Variants in CCT6A observed in about 807,000 individuals in gnomAD.
CCT6A encodes T-complex protein 1 subunit zeta.
Under a neutral mutation model 58.6 loss-of-function variants are expected in CCT6A, and 6 were observed. The observed-to-expected ratio is 0.10, with a 90% CI of 0.06 to 0.20. CCT6A has a LOEUF of 0.20. Among genes scored for constraint, CCT6A ranks in the 10% least tolerant of loss-of-function variants. CCT6A has a pLI of 1.00. For missense variants in CCT6A, 516 were observed against 648.8 expected (o/e 0.80, Z 2.22); for synonymous variants, 245 against 227.8 (o/e 1.08, Z -0.68).
rs776930910 is a variant in CCT6A, at chr7:56,052,788, C to CT, written c.201+307dup. Among the ~76,000 whole-genome samples the CT allele has an allele frequency of 8.2e-3, 222 of 27,036 alleles. 5 individuals are homozygous for CT. The highest frequency in any genetic ancestry group is 0.058 in the East Asian group (47 of 804). 17.7% of individuals were successfully genotyped at this position (27,036 alleles called of 152,430 possible). ...AATGCATGAGGATGATTTTTCTTTTCTTTTCTTTTTTTTTTTTTTTAATTA... is the reference window on the plus strand; with the variant it reads ...AATGCATGAGGATGATTTTTCTTTTCTTTTTCTTTTTTTTTTTTTTTAATTA... On this transcript the variant is annotated intron_variant, in intron 2 of 13. Coordinates refer to ENST00000275603, the MANE Select transcript of CCT6A (RefSeq NM_001762.4).
At chr7:56,055,446 C>G in intron 3 of CCT6A, 178 bp from the exon 4 acceptor site, 1 of 688,116 alleles carries the variant, frequency 1.5e-6, no homozygotes. Context: ...TGTTCATCTG[C>G]TCTGCATTGA....
intron 5 of CCT6A, among the ~76,000 whole-genome samples, chr7:56,056,787 A>G (rs1794317528): frequency 6.7e-6 from 1 of 148,244 alleles, no homozygotes; most frequent in Non-Finnish European, 1.5e-5. Context: ...TTTGTACAAT[A>G]TAGATAGTTG....
intron 10 of CCT6A, 142 bp from the exon 11 acceptor site, chr7:56,060,665 C>A: frequency 1.7e-6 from 2 of 1,153,730 alleles, no homozygotes; most frequent in Non-Finnish European, 2.6e-6. Context: ...CTGGTTGAAC[C>A]ATTCTCCTAT....
At chr7:56,058,332 G>T (rs1162053969) in intron 6 of CCT6A, 30 bp from the exon 7 acceptor site, 1 of 1,511,570 alleles carries the variant, frequency 6.6e-7, no homozygotes, top group East Asian at 2.3e-5. Flanking sequence ...ATGTTTCCCT[G>T]CTTTCTGTAA....
At chr7:56,054,845 T>C (rs1794270496) in intron 3 of CCT6A, among the ~76,000 whole-genome samples, 1 of 152,236 alleles carries the variant, frequency 6.6e-6, no homozygotes, top group African/African-American at 2.4e-5. Context: ...AATTCCACTT[T>C]TTTAGCCCTG....
In CCT6A at chr7:56,059,693, TTTTG is replaced by T. The variant is rs889918441; in HGVS notation, c.1065+66_1065+69del. 9.1e-5 allele frequency: 85 copies of T among 929,186 alleles called. No individual in the cohort carries two copies. The Middle Eastern group carries it at 1.1e-3, about 12-fold the overall frequency. 57.6% of individuals were successfully genotyped at this position (929,186 alleles called of 1,614,324 possible). The stretch of plus-strand genomic sequence containing the variant: ...TAGAACCTTTTAGCTCGTGAATTAT[TTTTG>T]TTTGTTTGTTTGAGGTGGGGTCTCA... On this transcript the variant is annotated intron_variant, in intron 9 of 13. Transcript: ENST00000275603.
At chr7:56,054,058 A>G (rs1457614119) in intron 2 of CCT6A, among the ~76,000 whole-genome samples, 1 of 152,220 alleles carries the variant, frequency 6.6e-6, no homozygotes, top group African/African-American at 2.4e-5. Context: ...TACACTTGCC[A>G]TAAAGAGGCA....
chr7:56,059,568 A>G lies in CCT6A; in HGVS notation c.993A>G (p.Val331=). ...MERLTLACGG[V]ALNSFDDLSP... is the part of the protein sequence containing the mutation. ...GGCTGACTCTTGCTTGTGGTGGGGT[A>G]GCCCTGAATTCTTTTGACGACCTAA... The change falls in exon 9 of 14, where the codon GTA becomes GTG. Residue 331 remains valine (V), a synonymous_variant. Coordinates refer to ENST00000275603, the MANE Select transcript of CCT6A (RefSeq NM_001762.4). 6.2e-7 allele frequency: 1 copy of G among 1,605,914 alleles called. No homozygotes were observed. Among genetic ancestry groups the G allele is most frequent in the Non-Finnish European group, 8.5e-7 (1 of 1,172,590 alleles).
rs548037554 is a variant in CCT6A, at chr7:56,056,738, AAAAC to A, written c.614+328_614+331del. Among the ~76,000 whole-genome samples, 502 of 151,694 alleles carry A rather than the reference AAAAC, an allele frequency of 3.3e-3. 3 individuals carry two copies. The highest frequency in any genetic ancestry group is 5.9e-3 in the Non-Finnish European group (399 of 67,900). ...ACCCCGTCCCATTAAAAAAAAAACAAAAACAAAAAATAAACTGTGTTTAGAAATT... is the reference window on the plus strand; with the variant it reads ...ACCCCGTCCCATTAAAAAAAAAACAAAAAAAATAAACTGTGTTTAGAAATT... On this transcript the variant is annotated intron_variant, in intron 5 of 13. Transcript: ENST00000275603.
chr7:56,052,136 GC>G, intron 1 of CCT6A, 151 bp downstream of exon 1: 1 of 721,624 alleles, frequency 1.4e-6, no homozygotes, highest in Non-Finnish European at 2.1e-6. Flanking sequence ...TCCCTCCTAA[GC>G]CCCACCGTCC....
intron 13 of CCT6A, 70 bp downstream of exon 13, chr7:56,062,825 GT>G: frequency 7.4e-7 from 1 of 1,355,072 alleles, no homozygotes; most frequent in Non-Finnish European, 1.1e-6. Context: ...TCTCTGTTTA[GT>G]TGCTCCTTTC....
intron 11 of CCT6A, 39 bp downstream of exon 11, chr7:56,060,979 A>C (rs1794420087): frequency 1.3e-6 from 2 of 1,564,712 alleles, no homozygotes; most frequent in Non-Finnish European, 1.7e-6. Context: ...CAAAAGATTC[A>C]GCTGATCAAA....
At chr7:56,054,128 A>G (rs117600382) in intron 2 of CCT6A, among the ~76,000 whole-genome samples, 16 of 152,288 alleles carry the variant, frequency 1.1e-4, no homozygotes, top group Non-Finnish European at 2.1e-4. Context: ...GTAAACTTCT[A>G]CTGAGCCTCA....
intron 11 of CCT6A, 79 bp from the exon 12 acceptor site, chr7:56,061,668 C>CTTTTTTTTTTTTTTTTTTTTTTTT (rs71015174): frequency 6.4e-6 from 2 of 312,680 alleles, no homozygotes; most frequent in Admixed American, 6.8e-5. Context: ...TTTCTTTTTT[C>CTTTTTTTTTTTTTTTTTTTTTTTT]TTTTTTTTTT....
At chr7:56,059,340 A>G (rs1794382413) in intron 8 of CCT6A, among the ~76,000 whole-genome samples, 1 of 152,298 alleles carries the variant, frequency 6.6e-6, no homozygotes, top group Admixed American at 6.5e-5. Flanking sequence ...TTCATTTGCT[A>G]ACTTGGGGAG....
intron 9 of CCT6A, chr7:56,059,974 T>C (rs1373452221): frequency 4.5e-6 from 2 of 446,820 alleles, no homozygotes; most frequent in African/African-American, 2.0e-5. Flanking sequence ...AGTGCTGAGA[T>C]TACAGGCATG....
rs767056742 is a variant in CCT6A at position 56,054,366 on chromosome 7, C to T, written c.202-3C>T. On this transcript the variant is annotated splice_polypyrimidine_tract_variant and splice_region_variant and intron_variant, in intron 2 of 13. Coordinates refer to ENST00000275603, the MANE Select transcript of CCT6A (RefSeq NM_001762.4). ...AAGTGATTCATTCTTTTTCTACTTA[C>T]AGCAAATTCAACACCCAACAGCTTC... The T allele has an allele frequency of 3.1e-6, 5 of 1,598,002 alleles. No homozygotes were observed. Among genetic ancestry groups the T allele is most frequent in the African/African-American group, 1.3e-5 (1 of 74,582 alleles).
At chr7:56,062,835 T>A in intron 13 of CCT6A, 80 bp downstream of exon 13, 1 of 1,280,376 alleles carries the variant, frequency 7.8e-7, no homozygotes, top group Non-Finnish European at 1.1e-6. Context: ...GTTGCTCCTT[T>A]CCCCCATGAA....
In CCT6A at chr7:56,060,288, T is replaced by A. The variant is rs1794405006; in HGVS notation, c.1085T>A (p.Phe362Tyr). 6.2e-7 allele frequency: 1 copy of A among 1,613,808 alleles called. No homozygotes were observed. Among genetic ancestry groups the A allele is most frequent in the African/African-American group, 1.3e-5 (1 of 74,926 alleles). ...EYTLGEEKFT[F>Y]IEKCNNPRSV... The stretch of plus-strand genomic sequence containing the variant: ...ACATAGGGAGAAGAGAAGTTTACCT[T>A]TATTGAGAAATGTAACAACCCTCGT... The change falls in exon 10 of 14, where the codon TTT (phenylalanine) becomes TAT (tyrosine). Residue 362 changes from phenylalanine to tyrosine, a missense_variant. Physicochemically the swap from Phe to Tyr is conservative, Grantham distance 22. This residue lies in a region of CCT6A where 315 missense variants were observed against 389.4 expected (regional missense o/e 0.81). Coordinates refer to ENST00000275603, the MANE Select transcript of CCT6A (RefSeq NM_001762.4).
Sources: allele counts gnomAD v4.1 joint callset (sites outside exome capture counted in the v4.1 genomes callset), GRCh38; gene constraint gnomAD v4.1.1; regional missense constraint gnomAD v4.1.1; transcripts MANE v1.5; gene names NCBI Gene and HGNC (gene_info 2026-07-23, HGNC 2026-07-21).